The following FSTL5 variants were observed in gnomAD, a reference collection of about 807,000 sequenced individuals.
FSTL5 encodes the protein follistatin like 5, also known as follistatin-related protein 5.
In FSTL5, 62 loss-of-function variants were observed where a neutral mutation model predicts 89.1. That is an observed-to-expected ratio of 0.70 (90% CI 0.57 to 0.86). FSTL5 has a LOEUF of 0.86. Ranked by LOEUF, FSTL5 falls within the 40% of genes least tolerant of loss-of-function variation. The probability of loss-of-function intolerance (pLI) is 0.00; values close to 1 mark genes in which losing one functional copy is unlikely to be tolerated. For synonymous variants in FSTL5, 383 were observed against 346.2 expected (o/e 1.11, Z -1.18); for missense variants, 1,057 against 1,001.6 (o/e 1.06, Z -0.75).
At chr4:161,550,956 G>A (rs546876055) in intron 8 of FSTL5, among the ~76,000 whole-genome samples, 1,158 of 151,398 alleles carry the variant, frequency 7.6e-3, no homozygotes, top group African/African-American at 0.026. Context: ...GTGTATATGT[G>A]CCACATTTTC....
intron 8 of FSTL5, among the ~76,000 whole-genome samples, chr4:161,561,056 T>C (rs1355908991): frequency 6.6e-6 from 1 of 151,962 alleles, no homozygotes; most frequent in East Asian, 1.9e-4. Flanking sequence ...TGCATTGTAC[T>C]GTGACATTAC....
intron 5 of FSTL5, among the ~76,000 whole-genome samples, chr4:161,774,887 A>C (rs1741349801): frequency 6.6e-6 from 1 of 152,110 alleles, no homozygotes; most frequent in Admixed American, 6.6e-5. Context: ...AATTCCTTAA[A>C]TTCCAATGCC....
intron 12 of FSTL5, among the ~76,000 whole-genome samples, chr4:161,490,344 T>C (rs1472877823): frequency 6.6e-6 from 1 of 152,160 alleles, no homozygotes; most frequent in East Asian, 1.9e-4. Flanking sequence ...ATTTCTATTT[T>C]TGGAAACCTT....
At position 161,656,538 on chromosome 4, in the gene FSTL5, T is replaced by C. The variant is rs1290425168; in HGVS notation, c.728-44A>G. ...AGTAATGTTGATGAGCATTTAGTTT[T>C]GTAAGGCTAATAGTATAAAATTTCT... On this transcript the variant is annotated intron_variant, in intron 6 of 15. Coordinates refer to ENST00000306100, the MANE Select transcript of FSTL5 (RefSeq NM_020116.5). 3.0e-6 allele frequency: 4 copies of C among 1,320,772 alleles called. No homozygotes were observed. The African/African-American group carries it at 4.5e-5, about 15-fold the overall frequency. The allele number at this position is 1,320,772 out of a possible 1,614,324, so 81.8% of individuals were successfully genotyped here.
intron 4 of FSTL5, among the ~76,000 whole-genome samples, chr4:161,849,677 T>C (rs545221066): frequency 5.6e-4 from 86 of 152,244 alleles, no homozygotes; most frequent in Middle Eastern, 3.4e-3. Flanking sequence ...AACCTCTTTA[T>C]ATAAATTATA....
intron 7 of FSTL5, among the ~76,000 whole-genome samples, chr4:161,589,444 A>G (rs1406708724): frequency 1.3e-5 from 2 of 152,006 alleles, no homozygotes; most frequent in Non-Finnish European, 2.9e-5. Flanking sequence ...CAGCCTCCCC[A>G]AGTGCTGAGA....
At chr4:162,061,757 T>A (rs943843825) in intron 2 of FSTL5, among the ~76,000 whole-genome samples, 8 of 152,124 alleles carry the variant, frequency 5.3e-5, no homozygotes, top group Non-Finnish European at 1.2e-4. Context: ...AAGGCAGCCC[T>A]ACCTGAAGAT....
Position 162,033,606 on chromosome 4 carries a change from TA to T in FSTL5, c.160+18del. The T allele has an allele frequency of 2.2e-6, 3 of 1,390,092 alleles. No homozygotes were observed. The highest frequency in any genetic ancestry group is 3.0e-6 in the Non-Finnish European group (3 of 1,006,382). The allele number at this position is 1,390,092 out of a possible 1,614,324, so 86.1% of individuals were successfully genotyped here. On this transcript the variant is annotated intron_variant, in intron 3 of 15. Coordinates refer to ENST00000306100, the MANE Select transcript of FSTL5 (RefSeq NM_020116.5). ...TTATGAACTTATATAATTGTTATCT[TA>T]AAGCAATCATTTCTTACCTTTGACT...
At chr4:161,488,515 TA>T (rs1232181880) in intron 12 of FSTL5, among the ~76,000 whole-genome samples, 2 of 151,840 alleles carry the variant, frequency 1.3e-5, no homozygotes, top group Admixed American at 1.3e-4. Flanking sequence ...TTAGAGAGGT[TA>T]AAAAAAACAG....
intron 2 of FSTL5, among the ~76,000 whole-genome samples, chr4:162,108,993 G>A (rs1354152768): frequency 1.3e-5 from 2 of 151,976 alleles, no homozygotes; most frequent in East Asian, 1.9e-4. Context: ...TATATGTCTT[G>A]ACAAATGGTG....
chr4:161,640,848 C>G (rs1735933054), intron 7 of FSTL5, among the ~76,000 whole-genome samples: 1 of 133,926 alleles, frequency 7.5e-6, no homozygotes, highest in African/African-American at 4.1e-5. Context: ...AGACACATAC[C>G]TAGACACTTT....
At chr4:161,472,673 A>G (rs969356317) in intron 13 of FSTL5, among the ~76,000 whole-genome samples, 3 of 151,290 alleles carry the variant, frequency 2.0e-5, no homozygotes, top group Non-Finnish European at 2.9e-5. Flanking sequence ...TACTTCTATT[A>G]TGGATTTCTA....
chr4:161,961,562 G>A (rs1735177339), intron 3 of FSTL5, among the ~76,000 whole-genome samples: 1 of 150,154 alleles, frequency 6.7e-6, no homozygotes, highest in African/African-American at 2.4e-5. Flanking sequence ...TATATGCATA[G>A]ATATATAAAT....
intron 4 of FSTL5, among the ~76,000 whole-genome samples, chr4:161,871,803 G>A (rs1399202333): frequency 6.6e-6 from 1 of 152,068 alleles, no homozygotes; most frequent in Non-Finnish European, 1.5e-5. Context: ...TCTATTAACT[G>A]TGTGACTTTG....
At chr4:161,409,501 C>A (rs765110726) in intron 15 of FSTL5, among the ~76,000 whole-genome samples, 2 of 152,024 alleles carry the variant, frequency 1.3e-5, no homozygotes, top group African/African-American at 2.4e-5. Context: ...CCTGCCTCAG[C>A]CTCCCGAGTA....
intron 4 of FSTL5, among the ~76,000 whole-genome samples, chr4:161,908,677 A>C (rs1273619614): frequency 6.6e-6 from 1 of 152,114 alleles, no homozygotes; most frequent in Non-Finnish European, 1.5e-5. Flanking sequence ...CAAAATTAAA[A>C]TATGCATAAC....
At chr4:161,932,044 T>C (rs757756299) in intron 3 of FSTL5, among the ~76,000 whole-genome samples, 1 of 151,944 alleles carries the variant, frequency 6.6e-6, no homozygotes, top group Non-Finnish European at 1.5e-5. Context: ...ACGGTTCTAA[T>C]TGTCAGGTGT....
intron 2 of FSTL5, among the ~76,000 whole-genome samples, chr4:162,066,893 A>G (rs1275748752): frequency 3.9e-5 from 6 of 152,034 alleles, no homozygotes; most frequent in African/African-American, 1.4e-4. Context: ...CATTAAACAT[A>G]CATGTGCATG....
chr4:161,636,599 C>A (rs1216124822), intron 7 of FSTL5, among the ~76,000 whole-genome samples: 6 of 150,278 alleles, frequency 4.0e-5, no homozygotes, highest in African/African-American at 1.5e-4. Flanking sequence ...TCTCCCAATG[C>A]TATCCCTCCC....
Sources: gnomAD v4.1 joint callset for allele counts (sites outside exome capture counted in the v4.1 genomes callset) on GRCh38, gnomAD v4.1.1 for gene constraint, MANE v1.5 for transcripts, NCBI Gene and HGNC (gene_info 2026-07-23, HGNC 2026-07-21) for gene names.